The following ADAM18 variants were observed in gnomAD, a reference collection of about 807,000 sequenced individuals.
ADAM18 encodes the protein disintegrin and metalloproteinase domain-containing protein 18.
In ADAM18, 117 loss-of-function variants were observed where a neutral mutation model predicts 94.4. The ratio of observed to expected loss-of-function variants is 1.24; its 90% confidence interval spans 1.07 to 1.45. ADAM18 has a LOEUF of 1.45. Among genes scored for constraint, ADAM18 ranks in the 40% most tolerant of loss-of-function variants. The probability of loss-of-function intolerance (pLI) is 0.00; values close to 1 mark genes in which losing one functional copy is unlikely to be tolerated. For synonymous variants in ADAM18, 327 were observed against 291.6 expected, an observed-to-expected ratio of 1.12 and a Z score of -1.24; for missense variants, 936 against 880.0, an observed-to-expected ratio of 1.06 and a Z score of -0.81.
intron 14 of ADAM18, among the ~76,000 whole-genome samples, chr8:39,674,280 G>A (rs1222158700): frequency 1.3e-5 from 2 of 150,462 alleles, no homozygotes; most frequent in African/African-American, 2.5e-5. Context: ...AGGTCTCTAA[G>A]GACTTGGTTT....
At chr8:39,640,620 G>T (rs1366253390) in intron 10 of ADAM18, among the ~76,000 whole-genome samples, 2 of 152,092 alleles carry the variant, frequency 1.3e-5, no homozygotes, top group Non-Finnish European at 2.9e-5. Flanking sequence ...TTCCACAATG[G>T]TTGAAGTAAT....
rs374070537 is a variant in ADAM18 at position 39,667,978 on chromosome 8, A to G, written c.1327-20A>G. The G allele has an allele frequency of 6.2e-7, 1 of 1,607,130 alleles. No individual in the cohort carries two copies. The highest frequency in any genetic ancestry group is 2.2e-5 in the East Asian group (1 of 44,778). ...AAAATGATTTACAGAACTTAATTTT[A>G]TTTTTCCTTTTCCTCCCAGTTGTCA... On this transcript the variant is annotated intron_variant, in intron 13 of 19. Coordinates refer to ENST00000265707, the MANE Select transcript of ADAM18 (RefSeq NM_014237.3).
At chr8:39,692,772 G>C (rs1373967433) in intron 17 of ADAM18, 92 bp downstream of exon 17, 3 of 961,598 alleles carry the variant, frequency 3.1e-6, no homozygotes, top group Non-Finnish European at 4.7e-6. Context: ...AGGTTGACTT[G>C]CCTAGCTCTG....
At position 39,723,813 on chromosome 8, in the gene ADAM18, A is replaced by AT; in HGVS notation, c.2088dup (p.Leu697SerfsTer13). On this transcript the variant is annotated frameshift_variant, in exon 19 of 20. Coordinates refer to ENST00000265707, the MANE Select transcript of ADAM18 (RefSeq NM_014237.3). LOFTEE classifies it high-confidence loss of function. Reference sequence around the variant, plus strand: ...CAACTGGTTTATTCTGAGTTTCTGCATTTTTCTGCCGTTTTTCATAGTTTT... The same window carrying AT: ...CAACTGGTTTATTCTGAGTTTCTGCATTTTTTCTGCCGTTTTTCATAGTTTT... 6.3e-7 allele frequency: 1 copy of AT among 1,587,504 alleles called. No individual in the cohort carries two copies. Among genetic ancestry groups the AT allele is most frequent in the South Asian group, 1.2e-5 (1 of 86,268 alleles).
Position 39,706,872 on chromosome 8 carries a change from G to C in ADAM18, c.1985G>C (p.Gly662Ala). ...AAATTCCAGTTTGGTTCCCCAGGGGGTAGTATTGATGATGGAAATTTTCAG... is the reference window on the plus strand; with the variant it reads ...AAATTCCAGTTTGGTTCCCCAGGGGCTAGTATTGATGATGGAAATTTTCAG... ...DCKFQFGSPGGSIDDGNFQKS... is the reference protein window; with the variant it reads ...DCKFQFGSPGASIDDGNFQKS... The change falls in exon 18 of 20, where the codon GGT (glycine) becomes GCT (alanine). Residue 662 changes from glycine (G) to alanine (A), a missense_variant. Coordinates refer to ENST00000265707, the MANE Select transcript of ADAM18 (RefSeq NM_014237.3). 6.2e-7 allele frequency: 1 copy of C among 1,606,480 alleles called. No individual in the cohort carries two copies. The highest frequency in any genetic ancestry group is 8.5e-7 in the Non-Finnish European group (1 of 1,174,834).
At chr8:39,589,565 G>A (rs1818509211) in intron 2 of ADAM18, among the ~76,000 whole-genome samples, 2 of 151,806 alleles carry the variant, frequency 1.3e-5, no homozygotes, top group South Asian at 4.2e-4. Context: ...TCCTTGACAT[G>A]CGTATTTTAC....
chr8:39,651,972 AG>A (rs61219827), intron 12 of ADAM18, among the ~76,000 whole-genome samples: 100,295 of 151,934 alleles, frequency 0.66, 34,591 homozygotes, highest in Middle Eastern at 0.77. Flanking sequence ...GTGACAATAA[AG>A]GATGTTTACT....
chr8:39,593,226 A>G (rs1818629092), intron 2 of ADAM18, among the ~76,000 whole-genome samples: 1 of 152,100 alleles, frequency 6.6e-6, no homozygotes, highest in African/African-American at 2.4e-5. Flanking sequence ...AGACGATGAA[A>G]CCTTCTCCAT....
chr8:39,631,560 A>G (rs544529990), intron 7 of ADAM18, among the ~76,000 whole-genome samples: 44 of 152,120 alleles, frequency 2.9e-4, no homozygotes, highest in African/African-American at 9.4e-4. Flanking sequence ...TATTGAATCA[A>G]TAATTCACTG....
intron 2 of ADAM18, among the ~76,000 whole-genome samples, chr8:39,590,059 A>G (rs1248127322): frequency 2.0e-5 from 3 of 149,706 alleles, no homozygotes; most frequent in Non-Finnish European, 4.4e-5. Flanking sequence ...TAGAAATACC[A>G]TTTGACCCAG....
intron 6 of ADAM18, among the ~76,000 whole-genome samples, chr8:39,615,486 T>C (rs1358748476): frequency 1.3e-5 from 2 of 152,164 alleles, no homozygotes; most frequent in Non-Finnish European, 2.9e-5. Context: ...TCTCAGCAGA[T>C]ACAGAAAAGA....
At chr8:39,600,392 C>T (rs1352399807) in intron 2 of ADAM18, among the ~76,000 whole-genome samples, 1 of 151,986 alleles carries the variant, frequency 6.6e-6, no homozygotes, top group African/African-American at 2.4e-5. Flanking sequence ...TGATTGGATC[C>T]AGGTAACTTG....
intron 17 of ADAM18, among the ~76,000 whole-genome samples, chr8:39,694,274 TTTG>T (rs1359410868): frequency 2.0e-5 from 3 of 151,374 alleles, no homozygotes; most frequent in Non-Finnish European, 4.4e-5. Context: ...TTATTTCTAG[TTTG>T]TTTTCTATTA....
At chr8:39,686,021 C>T (rs989659120) in intron 16 of ADAM18, among the ~76,000 whole-genome samples, 5 of 152,190 alleles carry the variant, frequency 3.3e-5, no homozygotes, top group African/African-American at 9.7e-5. Context: ...CTGATCACAA[C>T]CAGCTAGGTA....
At chr8:39,617,586 C>T (rs184382310) in intron 6 of ADAM18, among the ~76,000 whole-genome samples, 1 of 152,226 alleles carries the variant, frequency 6.6e-6, no homozygotes, top group Admixed American at 6.5e-5. Context: ...TAGTATCAAT[C>T]TAGATGTCCA....
At chr8:39,622,919 A>T (rs538466864) in intron 6 of ADAM18, among the ~76,000 whole-genome samples, 1 of 152,198 alleles carries the variant, frequency 6.6e-6, no homozygotes, top group South Asian at 2.1e-4. Flanking sequence ...ATGAGGGGAC[A>T]GTTACATGGA....
chr8:39,676,918 G>A (rs75710252), intron 14 of ADAM18, among the ~76,000 whole-genome samples: 11,518 of 152,236 alleles, frequency 0.076, 577 homozygotes, highest in Middle Eastern at 0.15. Flanking sequence ...TATAGTAGAA[G>A]AGATTTGGAC....
chr8:39,723,813 A>G lies in ADAM18; in HGVS notation c.2083A>G (p.Ile695Val). ...CAACTGGTTTATTCTGAGTTTCTGC[A>G]TTTTTCTGCCGTTTTTCATAGTTTT... ...WNNWFILSFC[I>V]FLPFFIVFTT... Residue 695 changes from isoleucine to valine, a missense_variant, in exon 19 of 20, where the codon ATT (isoleucine) becomes GTT (valine). Physicochemically the swap from Ile to Val is conservative, Grantham distance 29. Coordinates refer to ENST00000265707, the MANE Select transcript of ADAM18 (RefSeq NM_014237.3). The G allele has an allele frequency of 1.4e-5, 22 of 1,587,504 alleles. No homozygotes were observed. The highest frequency in any genetic ancestry group is 1.9e-5 in the Non-Finnish European group (22 of 1,167,196).
At chr8:39,634,392 G>A (rs1328959210) in intron 7 of ADAM18, among the ~76,000 whole-genome samples, 1 of 152,116 alleles carries the variant, frequency 6.6e-6, no homozygotes, top group African/African-American at 2.4e-5. Context: ...GAACTATAGA[G>A]CCACCAGGAA....
Sources: allele counts gnomAD v4.1 joint callset (sites outside exome capture counted in the v4.1 genomes callset), GRCh38; gene constraint gnomAD v4.1.1; transcripts MANE v1.5; gene names NCBI Gene and HGNC (gene_info 2026-07-23, HGNC 2026-07-21).